The following AFG2A variants were observed in gnomAD, a reference collection of about 807,000 sequenced individuals.
AFG2A encodes AAA ATPase AFG2A, also known as ATPase family gene 2 protein homolog A.
At chr4:123,005,944 G>A in the AFG2A span, among the ~76,000 whole-genome samples, 1 of 152,082 alleles carries the variant, frequency 6.6e-6, no homozygotes, top group South Asian at 2.1e-4. Flanking sequence ...AAATATTAAG[G>A]AAAAGTGATA....
chr4:123,272,791 C>A, the AFG2A span, among the ~76,000 whole-genome samples: 1 of 151,806 alleles, frequency 6.6e-6, no homozygotes. Context: ...GTGGATATCT[C>A]CTTTCAAGAA....
At chr4:123,026,793 A>G in the AFG2A span, among the ~76,000 whole-genome samples, 11 of 152,232 alleles carry the variant, frequency 7.2e-5, no homozygotes, top group Non-Finnish European at 1.0e-4. Context: ...TCAGACCCCA[A>G]TCTTTCCATT....
chr4:122,985,000 C>A, the AFG2A span, among the ~76,000 whole-genome samples: 1 of 152,162 alleles, frequency 6.6e-6, no homozygotes, highest in Admixed American at 6.5e-5. Context: ...CCTTCTTTCT[C>A]TGTCTTGTGG....
chr4:122,952,052 A>G, the AFG2A span, among the ~76,000 whole-genome samples: 1 of 152,096 alleles, frequency 6.6e-6, no homozygotes. Context: ...TCTGGAAGAT[A>G]CCCTTTAGCC....
the AFG2A span, among the ~76,000 whole-genome samples, chr4:123,026,080 T>C: frequency 6.6e-6 from 1 of 150,590 alleles, no homozygotes; most frequent in African/African-American, 2.5e-5. Flanking sequence ...TGTAGAGCAG[T>C]AAAAATAAGA....
At chr4:123,083,557 T>C in the AFG2A span, among the ~76,000 whole-genome samples, 1 of 145,694 alleles carries the variant, frequency 6.9e-6, no homozygotes, top group Admixed American at 6.8e-5. Context: ...TATATAATTA[T>C]TCTTTTTTTT....
the AFG2A span, among the ~76,000 whole-genome samples, chr4:123,245,091 G>C: frequency 6.6e-6 from 1 of 152,128 alleles, no homozygotes; most frequent in Non-Finnish European, 1.5e-5. Flanking sequence ...TTCAGATAAA[G>C]AGATCACTAT....
chr4:122,987,909 C>T, the AFG2A span, among the ~76,000 whole-genome samples: 1 of 152,060 alleles, frequency 6.6e-6, no homozygotes, highest in African/African-American at 2.4e-5. Flanking sequence ...GGGTTTTGTA[C>T]TTTCATATGC....
chr4:123,271,496 T>A, the AFG2A span, among the ~76,000 whole-genome samples: 53 of 152,262 alleles, frequency 3.5e-4, no homozygotes, highest in Non-Finnish European at 6.3e-4. Flanking sequence ...GTGCACAGCT[T>A]TGGTGTGAGG....
the AFG2A span, among the ~76,000 whole-genome samples, chr4:123,118,887 A>G: frequency 2.0e-5 from 3 of 152,120 alleles, no homozygotes; most frequent in Non-Finnish European, 4.4e-5. Context: ...ATAAATATAC[A>G]TTGATTTCAT....
chr4:123,155,700 A>T, the AFG2A span, among the ~76,000 whole-genome samples: 1 of 152,222 alleles, frequency 6.6e-6, no homozygotes, highest in East Asian at 1.9e-4. Context: ...ATACAAGAGG[A>T]TGTGCGTAGG....
chr4:123,199,462 G>GTGT, the AFG2A span, among the ~76,000 whole-genome samples: 260 of 47,434 alleles, frequency 5.5e-3, 44 homozygotes, highest in East Asian at 0.012. Flanking sequence ...ATACTCAGAG[G>GTGT]TTTTTTTTTT....
chr4:122,946,289 T>C, the AFG2A span, among the ~76,000 whole-genome samples: 1 of 152,266 alleles, frequency 6.6e-6, no homozygotes, highest in Admixed American at 6.5e-5. Context: ...TTGGAGAATC[T>C]TAATTATTTC....
the AFG2A span, among the ~76,000 whole-genome samples, chr4:123,148,100 A>C: frequency 2.0e-5 from 3 of 152,238 alleles, no homozygotes; most frequent in East Asian, 5.8e-4. Flanking sequence ...GTATATTTAA[A>C]TCTGTTGAAT....
chr4:123,092,951 A>C, the AFG2A span, among the ~76,000 whole-genome samples: 1 of 152,186 alleles, frequency 6.6e-6, no homozygotes, highest in Non-Finnish European at 1.5e-5. Context: ...TGGAGGGCTC[A>C]TCTAATGAGG....
At chr4:123,266,463 A>G in the AFG2A span, among the ~76,000 whole-genome samples, 1 of 151,862 alleles carries the variant, frequency 6.6e-6, no homozygotes, top group Non-Finnish European at 1.5e-5. Context: ...AAAATCTACA[A>G]TTTGCCTAAT....
the AFG2A span, among the ~76,000 whole-genome samples, chr4:123,203,080 C>T: frequency 0.51 from 77,079 of 151,908 alleles, 23,905 homozygotes; most frequent in Non-Finnish European, 0.67. Flanking sequence ...TGAGTATTAA[C>T]CTTCCAAGAT....
At chr4:123,218,579 T>C in the AFG2A span, among the ~76,000 whole-genome samples, 1 of 152,188 alleles carries the variant, frequency 6.6e-6, no homozygotes, top group Non-Finnish European at 1.5e-5. Context: ...AATTAGCAAA[T>C]TAATTAATTT....
the AFG2A span, among the ~76,000 whole-genome samples, chr4:122,955,202 A>G: frequency 6.6e-6 from 1 of 152,206 alleles, no homozygotes; most frequent in South Asian, 2.1e-4. Flanking sequence ...AACTGCTTGC[A>G]AAAAGCATGC....
Sources: gnomAD v4.1 joint callset for allele counts (sites outside exome capture counted in the v4.1 genomes callset) on GRCh38, gnomAD v4.1.1 for gene constraint, MANE v1.5 for transcripts, NCBI Gene and HGNC (gene_info 2026-07-23, HGNC 2026-07-21) for gene names.